Variants in STK32B observed in about 807,000 individuals in gnomAD.
STK32B encodes serine/threonine kinase 32B.
A neutral mutation model predicts 52.6 loss-of-function variants in STK32B; 43 were observed. The observed-to-expected ratio is 0.82, with a 90% CI of 0.64 to 1.05. The LOEUF is 1.05. STK32B is among the 50% of genes least tolerant of loss of function. The pLI, the probability that STK32B is intolerant of heterozygous loss-of-function variation, is 0.00. For synonymous variants in STK32B, 238 were observed against 204.3 expected, an observed-to-expected ratio of 1.17 and a Z score of -1.41; for missense variants, 621 against 534.6, an observed-to-expected ratio of 1.16 and a Z score of -1.59.
chr4:5,279,425 G>A (rs28850391), intron 3 of STK32B, among the ~76,000 whole-genome samples: 5,483 of 149,380 alleles, frequency 0.037, 170 homozygotes, highest in African/African-American at 0.074. Flanking sequence ...TGCAAAGGAC[G>A]GGCTTCCAAG....
intron 5 of STK32B, among the ~76,000 whole-genome samples, chr4:5,410,761 G>A (rs1711591627): frequency 6.6e-6 from 1 of 152,132 alleles, no homozygotes; most frequent in Admixed American, 6.5e-5. Flanking sequence ...CAAACAATAA[G>A]GAATGAAGAA....
intron 1 of STK32B, among the ~76,000 whole-genome samples, chr4:5,108,882 A>G (rs1341311770): frequency 6.6e-6 from 1 of 152,244 alleles, no homozygotes; most frequent in Non-Finnish European, 1.5e-5. Flanking sequence ...TAATTAGGGA[A>G]GAATAGTTAC....
chr4:5,184,057 C>T (rs1267639335), intron 3 of STK32B, among the ~76,000 whole-genome samples: 5 of 152,120 alleles, frequency 3.3e-5, no homozygotes, highest in Non-Finnish European at 7.3e-5. Context: ...CTTTTAAGTT[C>T]CTTCAGTAAC....
At chr4:5,032,612 A>G in the STK32B span, among the ~76,000 whole-genome samples, 1 of 151,888 alleles carries the variant, frequency 6.6e-6, no homozygotes, top group Non-Finnish European at 1.5e-5. Flanking sequence ...TTTCCCCCAT[A>G]CCTATGAAAA....
At chr4:5,438,593 T>A (rs114456608) in intron 6 of STK32B, among the ~76,000 whole-genome samples, 1,838 of 152,242 alleles carry the variant, frequency 0.012, 19 homozygotes, top group Non-Finnish European at 0.018. Context: ...GTGATTTGAC[T>A]TTTTTTGTTT....
chr4:5,228,703 C>T (rs1203691898), intron 3 of STK32B, among the ~76,000 whole-genome samples: 1 of 152,184 alleles, frequency 6.6e-6, no homozygotes, highest in East Asian at 1.9e-4. Flanking sequence ...TGCAGTGGCT[C>T]ACACCTGTAA....
intron 1 of STK32B, among the ~76,000 whole-genome samples, chr4:5,087,509 A>G (rs1201777265): frequency 1.3e-5 from 2 of 152,058 alleles, no homozygotes; most frequent in Non-Finnish European, 2.9e-5. Context: ...ATATTGGCAG[A>G]ATGGATAAAA....
At chr4:5,206,451 A>C (rs1007725011) in intron 3 of STK32B, among the ~76,000 whole-genome samples, 5 of 152,068 alleles carry the variant, frequency 3.3e-5, no homozygotes, top group Non-Finnish European at 7.4e-5. Flanking sequence ...TATGGCGGTT[A>C]TTGCATGGAG....
intron 3 of STK32B, among the ~76,000 whole-genome samples, chr4:5,170,771 C>T (rs6827709): frequency 0.015 from 2,328 of 152,254 alleles, 53 homozygotes; most frequent in African/African-American, 0.053. Context: ...AGTAAACATA[C>T]GTGTGCATGT....
At chr4:5,082,606 T>C (rs940587435) in intron 1 of STK32B, among the ~76,000 whole-genome samples, 4 of 152,220 alleles carry the variant, frequency 2.6e-5, no homozygotes, top group Non-Finnish European at 4.4e-5. Context: ...CTCTAACTTT[T>C]TGACAATGAA....
At chr4:5,405,566 T>C (rs1054514358) in intron 5 of STK32B, among the ~76,000 whole-genome samples, 2 of 152,074 alleles carry the variant, frequency 1.3e-5, no homozygotes, top group African/African-American at 2.4e-5. Context: ...AGAGGTTTAA[T>C]TGACTCACAA....
intron 3 of STK32B, among the ~76,000 whole-genome samples, chr4:5,244,597 G>C (rs190351144): frequency 6.6e-6 from 1 of 152,226 alleles, no homozygotes; most frequent in Admixed American, 6.5e-5. Flanking sequence ...TCTGATCTTA[G>C]TTATTTCTTG....
At chr4:5,095,571 T>C (rs1043075056) in intron 1 of STK32B, among the ~76,000 whole-genome samples, 4 of 152,184 alleles carry the variant, frequency 2.6e-5, no homozygotes, top group African/African-American at 7.2e-5. Context: ...GCCGAGATCA[T>C]GCCACTGCAC....
intron 3 of STK32B, among the ~76,000 whole-genome samples, chr4:5,278,104 G>A (rs1727953291): frequency 6.6e-6 from 1 of 152,206 alleles, no homozygotes; most frequent in East Asian, 1.9e-4. Context: ...AGGCCCCAGG[G>A]GTGGCAGGTA....
intron 11 of STK32B, among the ~76,000 whole-genome samples, chr4:5,496,384 G>A (rs1475063178): frequency 1.3e-5 from 2 of 152,212 alleles, no homozygotes; most frequent in African/African-American, 4.8e-5. Flanking sequence ...CTCCGAGCCA[G>A]GTGCGGGATA....
chr4:5,197,697 C>T (rs115889349), intron 3 of STK32B, among the ~76,000 whole-genome samples: 1,538 of 152,192 alleles, frequency 0.01, 11 homozygotes, highest in Non-Finnish European at 0.014. Flanking sequence ...TAACTAGTTC[C>T]CTTGTTTGGT....
chr4:5,181,089 T>A (rs569638924), intron 3 of STK32B, among the ~76,000 whole-genome samples: 1 of 152,244 alleles, frequency 6.6e-6, no homozygotes, highest in South Asian at 2.1e-4. Context: ...GTTTCAACAC[T>A]TTGAGGTCTG....
intron 4 of STK32B, among the ~76,000 whole-genome samples, chr4:5,358,438 G>A (rs1212893760): frequency 6.6e-6 from 1 of 152,166 alleles, no homozygotes; most frequent in Non-Finnish European, 1.5e-5. Context: ...GATGGTTAAA[G>A]CTTTATTCCC....
intron 5 of STK32B, among the ~76,000 whole-genome samples, chr4:5,407,923 G>A (rs1173979164): frequency 1.3e-5 from 2 of 152,080 alleles, no homozygotes; most frequent in African/African-American, 2.4e-5. Context: ...CTGCATGAAT[G>A]GGATAAGTGC....
Sources: allele counts gnomAD v4.1 joint callset (sites outside exome capture counted in the v4.1 genomes callset), GRCh38; gene constraint gnomAD v4.1.1; transcripts MANE v1.5; gene names NCBI Gene and HGNC (gene_info 2026-07-23, HGNC 2026-07-21).